Variants in FREM1 observed in about 807,000 individuals in gnomAD.
FREM1 encodes FRAS1 related extracellular matrix 1, also known as FRAS1-related extracellular matrix protein 1.
A neutral mutation model predicts 210.1 loss-of-function variants in FREM1; 220 were observed. The ratio of observed to expected loss-of-function variants is 1.05; its 90% CI spans 0.94 to 1.17. The LOEUF (loss-of-function observed/expected upper bound fraction) is 1.17. Ranked by LOEUF, FREM1 falls within the 50% of genes most tolerant of loss-of-function variation. The pLI is 0.00. For missense variants in FREM1, 3,454 were observed against 2,675.5 expected (o/e 1.29, Z -6.42); for synonymous variants, 1,189 against 980.2 (o/e 1.21, Z -3.98).
chr9:14,889,420 C>G (rs1047106167), intron 1 of FREM1, among the ~76,000 whole-genome samples: 8 of 152,146 alleles, frequency 5.3e-5, no homozygotes, highest in African/African-American at 1.7e-4. Context: ...CTTAATGTCC[C>G]TTAGCCATTT....
chr9:14,780,356 G>A (rs536602381), intron 24 of FREM1, among the ~76,000 whole-genome samples: 1 of 148,800 alleles, frequency 6.7e-6, no homozygotes, highest in African/African-American at 2.5e-5. Context: ...CCTGGCAATA[G>A]AGTTGGCTGA....
At chr9:14,778,340 G>A (rs1848976388) in intron 24 of FREM1, among the ~76,000 whole-genome samples, 1 of 110,214 alleles carries the variant, frequency 9.1e-6, no homozygotes, top group South Asian at 3.2e-4. Flanking sequence ...GGCTGGTGCA[G>A]TGGCTCACAC....
At chr9:14,860,626 CACATATATACACATGTAT>C (rs1326207113) in intron 3 of FREM1, among the ~76,000 whole-genome samples, 18 of 120,626 alleles carry the variant, frequency 1.5e-4, no homozygotes, top group Admixed American at 1.5e-3. Flanking sequence ...CATATATATA[CACATATATACACATGTAT>C]ACATATATAC....
intron 26 of FREM1, among the ~76,000 whole-genome samples, chr9:14,770,319 T>A (rs1446618053): frequency 6.6e-6 from 1 of 152,160 alleles, no homozygotes; most frequent in Non-Finnish European, 1.5e-5. Flanking sequence ...AATAGGAAAT[T>A]TGGTCCTGAT....
intron 27 of FREM1, among the ~76,000 whole-genome samples, chr9:14,761,757 G>A (rs1296101322): frequency 6.6e-6 from 1 of 152,152 alleles, no homozygotes; most frequent in Non-Finnish European, 1.5e-5. Context: ...CATCCACACA[G>A]TAGATGCTAC....
chr9:14,908,405 C>G (rs1206742472), intron 1 of FREM1, among the ~76,000 whole-genome samples: 1 of 152,168 alleles, frequency 6.6e-6, no homozygotes, highest in Non-Finnish European at 1.5e-5. Flanking sequence ...TTTAAAGTTT[C>G]CAAAACAAAC....
intron 3 of FREM1, 122 bp from the exon 4 acceptor site, chr9:14,859,606 A>T: frequency 1.3e-6 from 1 of 786,004 alleles, no homozygotes; most frequent in Non-Finnish European, 2.0e-6. Flanking sequence ...TTGAGTTTGG[A>T]TTTCATTTCT....
rs546375818 is a variant in FREM1 at position 14,805,097 on chromosome 9, C to T, written c.3330G>A (p.Arg1110=). The T allele has an allele frequency of 1.2e-4, 189 of 1,611,966 alleles. 5 individuals are homozygous for T. In the South Asian group the frequency reaches 2.0e-3, roughly 17 times the overall value. Residue 1110 remains arginine, a synonymous_variant, in exon 19 of 37, where the codon AGG becomes AGA. Coordinates refer to ENST00000380880, the MANE Select transcript of FREM1 (RefSeq NM_001379081.2). ...NAFHINYVQS[R]HLRIEPTADQ... ...CGGCAGTTGGTTCTATCCTCAGATG[C>T]CTGGACTGCACATAGTTAATGTGAA... is the stretch of plus-strand genomic sequence containing the variant.
At chr9:14,740,104 G>T in intron 36 of FREM1, 45 bp downstream of exon 36, 1 of 1,307,444 alleles carries the variant, frequency 7.6e-7, no homozygotes, top group Non-Finnish European at 1.1e-6. Context: ...TTTGTTTCAT[G>T]TCCTTGCCTC....
intron 1 of FREM1, among the ~76,000 whole-genome samples, chr9:14,872,423 T>C (rs944795542): frequency 6.6e-6 from 1 of 152,236 alleles, no homozygotes; most frequent in African/African-American, 2.4e-5. Context: ...TTATCCTCTT[T>C]GAAGCAACTG....
chr9:14,806,597 C>G (rs1818414284), intron 18 of FREM1, 64 bp downstream of exon 18: 1 of 963,542 alleles, frequency 1.0e-6, no homozygotes, highest in Non-Finnish European at 1.6e-6. Context: ...TAAGCATGAC[C>G]TGGCCAATCG....
At chr9:14,753,292 T>A (rs999175599) in intron 29 of FREM1, among the ~76,000 whole-genome samples, 9 of 152,194 alleles carry the variant, frequency 5.9e-5, no homozygotes, top group Non-Finnish European at 5.9e-5. Flanking sequence ...TGAAAGACAT[T>A]TTCTCAATAT....
At chr9:14,860,533 G>GTATATACACATATATATACACACA (rs1829619476) in intron 3 of FREM1, among the ~76,000 whole-genome samples, 1 of 77,916 alleles carries the variant, frequency 1.3e-5, no homozygotes, top group African/African-American at 8.3e-5. Context: ...TAGTAGGTAT[G>GTATATACACATATATATACACACA]TATATATATA....
intron 10 of FREM1, among the ~76,000 whole-genome samples, chr9:14,835,988 G>C (rs1341371141): frequency 6.6e-6 from 1 of 152,216 alleles, no homozygotes; most frequent in African/African-American, 2.4e-5. Context: ...AAAAGGGACG[G>C]GTAACGTCAA....
chr9:14,796,483 C>T (rs137984680), intron 21 of FREM1, among the ~76,000 whole-genome samples: 2 of 152,266 alleles, frequency 1.3e-5, no homozygotes, highest in African/African-American at 4.8e-5. Context: ...CTAATGAATA[C>T]TCTATACCCT....
chr9:14,830,460 G>C (rs1042744198), intron 10 of FREM1, among the ~76,000 whole-genome samples: 31 of 152,162 alleles, frequency 2.0e-4, no homozygotes, highest in African/African-American at 7.5e-4. Context: ...TCAGATTTCA[G>C]TACATTGAGA....
At chr9:14,804,477 C>A (rs772539241) in intron 19 of FREM1, among the ~76,000 whole-genome samples, 3 of 152,100 alleles carry the variant, frequency 2.0e-5, no homozygotes, top group South Asian at 2.1e-4. Context: ...CCCAGCTACT[C>A]GGGAGGCTGA....
intron 23 of FREM1, among the ~76,000 whole-genome samples, chr9:14,788,629 A>G (rs930818490): frequency 1.2e-4 from 19 of 152,238 alleles, no homozygotes; most frequent in African/African-American, 4.6e-4. Context: ...TTAAAGCAAA[A>G]AAATCCTAAC....
rs769534639 is a variant in FREM1, at chr9:14,805,061, C to T, written c.3366G>A (p.Thr1122=). The change falls in exon 19 of 37, where the codon ACG becomes ACA. Residue 1122 remains threonine, a synonymous_variant. Transcript: ENST00000380880. ...GATGCTTCCCATCTGTGACGTACAC[C>T]GTGAACTGGTCGGCAGTTGGTTCTA... ...LRIEPTADQF[T]VYVTDGKHHS... The T allele has an allele frequency of 8.6e-5, 139 of 1,613,014 alleles. 1 individual carries two copies. In the South Asian group the frequency reaches 1.3e-3, roughly 15 times the overall value.
Sources: allele counts gnomAD v4.1 joint callset (sites outside exome capture counted in the v4.1 genomes callset), GRCh38; gene constraint gnomAD v4.1.1; transcripts MANE v1.5; gene names NCBI Gene and HGNC (gene_info 2026-07-23, HGNC 2026-07-21).